Variants in FHIP1A observed in about 807,000 individuals in gnomAD.
The protein encoded by FHIP1A is FHF complex subunit HOOK interacting protein 1A.
Under a neutral mutation model 88.6 loss-of-function variants are expected in FHIP1A, and 61 were observed. The observed-to-expected ratio is 0.69, with a 90% CI of 0.56 to 0.85. The LOEUF (loss-of-function observed/expected upper bound fraction) is 0.85, where lower values mean the gene tolerates loss of function less well. Ranked by LOEUF, FHIP1A falls within the 40% of genes least tolerant of loss-of-function variation. The pLI is 0.00. For synonymous variants in FHIP1A, 478 were observed against 496.0 expected, an observed-to-expected ratio of 0.96 and a Z score of 0.48; for missense variants, 1,154 against 1,273.5, an observed-to-expected ratio of 0.91 and a Z score of 1.43.
At chr4:151,597,554 G>T (rs538584144) in intron 7 of FHIP1A, among the ~76,000 whole-genome samples, 1 of 152,182 alleles carries the variant, frequency 6.6e-6, no homozygotes, top group African/African-American at 2.4e-5. Context: ...GAACTCGAGC[G>T]CTGTGCTGGG....
intron 3 of FHIP1A, among the ~76,000 whole-genome samples, chr4:151,534,260 G>A (rs1731984487): frequency 6.6e-6 from 1 of 152,336 alleles, no homozygotes; most frequent in East Asian, 1.9e-4. Flanking sequence ...AGCTATTTAA[G>A]TTCTCACTAT....
At chr4:151,630,150 G>A (rs1268052933) in intron 8 of FHIP1A, among the ~76,000 whole-genome samples, 1 of 152,092 alleles carries the variant, frequency 6.6e-6, no homozygotes, top group Non-Finnish European at 1.5e-5. Flanking sequence ...TTCTTCTGTA[G>A]AACTAGCAGA....
chr4:151,464,297 G>A (rs1210005607), intron 2 of FHIP1A, among the ~76,000 whole-genome samples: 3 of 152,144 alleles, frequency 2.0e-5, no homozygotes, highest in African/African-American at 7.2e-5. Context: ...TGGTTTTTAA[G>A]CCTTTTATTC....
chr4:151,615,558 T>C (rs1418481405), intron 7 of FHIP1A, among the ~76,000 whole-genome samples: 1 of 152,194 alleles, frequency 6.6e-6, no homozygotes, highest in East Asian at 1.9e-4. Context: ...ACTTAGCCTT[T>C]GGTGGGGATG....
At chr4:151,519,923 G>C (rs752680378) in intron 3 of FHIP1A, among the ~76,000 whole-genome samples, 3 of 152,076 alleles carry the variant, frequency 2.0e-5, no homozygotes, top group Non-Finnish European at 4.4e-5. Context: ...GAAGTGTCTA[G>C]TTACATCTTT....
intron 1 of FHIP1A, among the ~76,000 whole-genome samples, chr4:151,454,133 A>G (rs918123467): frequency 1.3e-5 from 2 of 150,402 alleles, no homozygotes; most frequent in African/African-American, 4.9e-5. Context: ...TTTCAGGTAT[A>G]ATACAATGTC....
At position 151,662,636 on chromosome 4, in the gene FHIP1A, A is replaced by G. The variant is rs2126934234; in HGVS notation, c.3005A>G (p.Asn1002Ser). 1 of 1,551,432 alleles carries G rather than the reference A, an allele frequency of 6.4e-7. No homozygotes were observed. Residue 1002 changes from asparagine to serine, a missense_variant, in exon 14 of 14, where the codon AAC (asparagine) becomes AGC (serine). Coordinates refer to ENST00000435205, the MANE Select transcript of FHIP1A (RefSeq NM_001109977.3). ...APPNLPLPVR[N>S]PMLAAALFPE... Reference sequence around the variant, plus strand: ...CCCAACCTGCCCCTGCCGGTGAGGAACCCCATGCTGGCTGCTGCCCTCTTC... The same window carrying G: ...CCCAACCTGCCCCTGCCGGTGAGGAGCCCCATGCTGGCTGCTGCCCTCTTC...
At chr4:151,534,477 A>G (rs1214299016) in intron 3 of FHIP1A, among the ~76,000 whole-genome samples, 1 of 152,212 alleles carries the variant, frequency 6.6e-6, no homozygotes, top group African/African-American at 2.4e-5. Flanking sequence ...TAAGCTGAAG[A>G]TTTAGAGATG....
chr4:151,416,835 G>T (rs371488423), intron 1 of FHIP1A, among the ~76,000 whole-genome samples: 3 of 152,022 alleles, frequency 2.0e-5, no homozygotes, highest in East Asian at 3.9e-4. Flanking sequence ...CCAGGCTGGA[G>T]TGCACTAGTG....
chr4:151,531,778 A>C (rs1053624572), intron 3 of FHIP1A, among the ~76,000 whole-genome samples: 1 of 152,162 alleles, frequency 6.6e-6, no homozygotes, highest in Non-Finnish European at 1.5e-5. Flanking sequence ...ACAGAGTAGA[A>C]TTTACTGAAT....
At chr4:151,638,581 C>A in intron 8 of FHIP1A, 96 bp from the exon 9 acceptor site, 2 of 663,060 alleles carry the variant, frequency 3.0e-6, no homozygotes, top group East Asian at 3.0e-5. Flanking sequence ...AAAAAAAAGG[C>A]CATTATATTT....
At chr4:151,607,405 G>C (rs1735115461) in intron 7 of FHIP1A, among the ~76,000 whole-genome samples, 1 of 152,212 alleles carries the variant, frequency 6.6e-6, no homozygotes, top group South Asian at 2.1e-4. Flanking sequence ...GCCAGTTTTA[G>C]ACAGACTAAA....
chr4:151,505,008 C>T (rs946392161), intron 3 of FHIP1A, among the ~76,000 whole-genome samples: 3 of 152,142 alleles, frequency 2.0e-5, no homozygotes, highest in East Asian at 1.9e-4. Context: ...TACCCCCCGA[C>T]CCAGTCTCTG....
chr4:151,456,696 A>G (rs1728979011), intron 2 of FHIP1A, among the ~76,000 whole-genome samples: 1 of 152,158 alleles, frequency 6.6e-6, no homozygotes, highest in Admixed American at 6.5e-5. Flanking sequence ...ATCATCTATA[A>G]TCTGGCCACT....
At chr4:151,595,683 A>G (rs929710468) in intron 7 of FHIP1A, among the ~76,000 whole-genome samples, 1 of 152,122 alleles carries the variant, frequency 6.6e-6, no homozygotes, top group African/African-American at 2.4e-5. Context: ...GGTGTCTAAG[A>G]ACTTGTTTTG....
intron 3 of FHIP1A, among the ~76,000 whole-genome samples, chr4:151,495,469 T>C (rs1402185249): frequency 6.7e-6 from 1 of 150,194 alleles, no homozygotes; most frequent in Non-Finnish European, 1.5e-5. Context: ...GCCACTGCAC[T>C]CCAGCCTGGG....
At chr4:151,551,496 A>G (rs1732731386) in intron 3 of FHIP1A, among the ~76,000 whole-genome samples, 1 of 152,186 alleles carries the variant, frequency 6.6e-6, no homozygotes, top group Admixed American at 6.5e-5. Flanking sequence ...ATATAGACCA[A>G]TGGAATAGAA....
In FHIP1A at chr4:151,479,464, G is replaced by A. The variant is rs75020881; in HGVS notation, c.-247-3060G>A. On this transcript the variant is annotated intron_variant, in intron 2 of 13. Coordinates refer to ENST00000435205, the MANE Select transcript of FHIP1A (RefSeq NM_001109977.3). ...GGGAGATTCCACATGTGAATATAATGTATTACCTGTCCCAGTTCAATCCTT... is the reference window on the plus strand; with the variant it reads ...GGGAGATTCCACATGTGAATATAATATATTACCTGTCCCAGTTCAATCCTT... Among the ~76,000 whole-genome samples the A allele has an allele frequency of 5.2e-3, 795 of 152,160 alleles. 6 individuals are homozygous for A. Among genetic ancestry groups the A allele is most frequent in the African/African-American group, 0.019 (774 of 41,532 alleles).
chr4:151,419,029 G>C (rs1020218067), intron 1 of FHIP1A, among the ~76,000 whole-genome samples: 1 of 152,106 alleles, frequency 6.6e-6, no homozygotes, highest in East Asian at 1.9e-4. Context: ...AACTCAAGGC[G>C]TGATGGTTAA....
Sources: allele counts gnomAD v4.1 joint callset (sites outside exome capture counted in the v4.1 genomes callset), GRCh38; gene constraint gnomAD v4.1.1; transcripts MANE v1.5; gene names NCBI Gene and HGNC (gene_info 2026-07-23, HGNC 2026-07-21).